Variants in ATRNL1 observed in about 807,000 individuals in gnomAD.
ATRNL1 encodes attractin-like protein 1.
In ATRNL1, 95 loss-of-function variants were observed where a neutral mutation model predicts 182.7. The observed-to-expected ratio is 0.52, with a 90% CI of 0.44 to 0.62. The LOEUF is 0.62. Among genes scored for constraint, ATRNL1 ranks in the 20% least tolerant of loss-of-function variants. The pLI, the probability that ATRNL1 is intolerant of heterozygous loss-of-function variation, is 0.00. For missense variants in ATRNL1, 1,471 were observed against 1,679.5 expected (o/e 0.88, Z 2.17); for synonymous variants, 576 against 568.3 (o/e 1.01, Z -0.19).
At position 115,161,547 on chromosome 10, in the gene ATRNL1, A is replaced by C. The variant is rs1466396241; in HGVS notation, c.1004+1333A>C. The stretch of plus-strand genomic sequence containing the variant: ...AGTCGAGTTTGTAAGACAAAGAGCA[A>C]CATTGTCAACAAGGAAGTTTGTAAA... On this transcript the variant is annotated intron_variant, in intron 6 of 28. Transcript: ENST00000355044. Among the ~76,000 whole-genome samples, 3 of 152,192 alleles carry C rather than the reference A, an allele frequency of 2.0e-5. No homozygotes were observed. The South Asian group carries it at 6.2e-4, about 32-fold the overall frequency.
chr10:115,776,172 G>A (rs770551060), intron 27 of ATRNL1, among the ~76,000 whole-genome samples: 16 of 152,092 alleles, frequency 1.1e-4, no homozygotes, highest in Non-Finnish European at 2.1e-4. Context: ...TCAGGAATAA[G>A]TGGTATATTA....
intron 27 of ATRNL1, among the ~76,000 whole-genome samples, chr10:115,743,051 G>A (rs142088831): frequency 6.6e-5 from 10 of 151,884 alleles, no homozygotes. Context: ...CCCTTATAAA[G>A]CCATCACATC....
chr10:115,566,587 A>C (rs1200260057), intron 26 of ATRNL1, among the ~76,000 whole-genome samples: 1 of 152,148 alleles, frequency 6.6e-6, no homozygotes, highest in Non-Finnish European at 1.5e-5. Context: ...TATTACGGAG[A>C]CTATTATGAA....
chr10:115,485,186 T>G (rs1189533339), intron 24 of ATRNL1, among the ~76,000 whole-genome samples: 1 of 152,026 alleles, frequency 6.6e-6, no homozygotes, highest in Non-Finnish European at 1.5e-5. Context: ...TTTTTATTGT[T>G]TTATAAAAAT....
At chr10:115,513,156 G>A (rs531933216) in intron 24 of ATRNL1, among the ~76,000 whole-genome samples, 2 of 152,036 alleles carry the variant, frequency 1.3e-5, no homozygotes, top group African/African-American at 4.8e-5. Context: ...GGGCACCCCT[G>A]CAGTTTCCAG....
At chr10:115,502,755 A>G (rs1849908296) in intron 24 of ATRNL1, among the ~76,000 whole-genome samples, 1 of 152,152 alleles carries the variant, frequency 6.6e-6, no homozygotes, top group Non-Finnish European at 1.5e-5. Context: ...TTTATCTTTA[A>G]AAATGGCCCT....
intron 24 of ATRNL1, among the ~76,000 whole-genome samples, chr10:115,482,291 T>C (rs914948332): frequency 1.3e-5 from 2 of 151,198 alleles, no homozygotes. Flanking sequence ...GTGGGTTCTA[T>C]GTGTAAATCT....
intron 7 of ATRNL1, among the ~76,000 whole-genome samples, chr10:115,168,285 A>ACATTG (rs1195204236): frequency 3.3e-5 from 5 of 152,120 alleles, no homozygotes; most frequent in Non-Finnish European, 5.9e-5. Context: ...GCTACTAACA[A>ACATTG]CATTGCTGTT....
chr10:115,770,320 A>C (rs1948958409), intron 27 of ATRNL1, among the ~76,000 whole-genome samples: 1 of 152,162 alleles, frequency 6.6e-6, no homozygotes, highest in African/African-American at 2.4e-5. Flanking sequence ...ATGGCATACT[A>C]AGCAATGAAA....
chr10:115,622,863 C>A (rs1397829368), intron 26 of ATRNL1, among the ~76,000 whole-genome samples: 1 of 151,808 alleles, frequency 6.6e-6, no homozygotes, highest in Non-Finnish European at 1.5e-5. Flanking sequence ...GGAGGCGGAG[C>A]TTGCAGTGAG....
intron 3 of ATRNL1, among the ~76,000 whole-genome samples, chr10:115,122,100 A>G (rs1844763624): frequency 6.6e-6 from 1 of 151,952 alleles, no homozygotes; most frequent in Non-Finnish European, 1.5e-5. Context: ...ATATGTTTTC[A>G]GAACTATCTG....
chr10:115,948,342 A>G lies in ATRNL1; in HGVS notation c.*3563A>G, dbSNP rs1422980737. The G allele has an allele frequency of 1.3e-5, 2 of 152,226 alleles. No homozygotes were observed. The highest frequency in any genetic ancestry group is 4.8e-5 in the African/African-American group (2 of 41,468). 9.4% of individuals were successfully genotyped at this position (152,226 alleles called of 1,614,324 possible). A position where few individuals can be genotyped will look rare whatever the true frequency, so the allele number is the denominator to read the frequency against. On this transcript the variant is annotated 3_prime_UTR_variant, in exon 29 of 29. Transcript: ENST00000355044. ...TTTTCTCAGTGAACATAAAACTATG[A>G]TTTGAAAGGTGTCTTATATTTAAAA...
chr10:115,817,128 T>G (rs932517595), intron 27 of ATRNL1, among the ~76,000 whole-genome samples: 8 of 151,958 alleles, frequency 5.3e-5, no homozygotes, highest in Non-Finnish European at 2.9e-5. Context: ...CTTACACAAA[T>G]TTGGCCCTAG....
At chr10:115,639,868 A>G (rs1555029633) in intron 26 of ATRNL1, among the ~76,000 whole-genome samples, 2 of 152,060 alleles carry the variant, frequency 1.3e-5, no homozygotes. Flanking sequence ...TTTGTTACAT[A>G]GGTATATACA....
intron 27 of ATRNL1, among the ~76,000 whole-genome samples, chr10:115,804,939 A>G (rs967637868): frequency 6.6e-6 from 1 of 152,230 alleles, no homozygotes; most frequent in Non-Finnish European, 1.5e-5. Flanking sequence ...GGTTAGTCTA[A>G]CAACATTTTC....
At chr10:115,250,618 A>G (rs536201854) in intron 10 of ATRNL1, among the ~76,000 whole-genome samples, 3 of 152,210 alleles carry the variant, frequency 2.0e-5, no homozygotes, top group Admixed American at 6.5e-5. Flanking sequence ...CCTTTAGAAC[A>G]CAAAGAGGCC....
intron 1 of ATRNL1, among the ~76,000 whole-genome samples, chr10:115,110,785 A>G (rs1554867748): frequency 6.6e-6 from 1 of 152,222 alleles, no homozygotes; most frequent in East Asian, 1.9e-4. Flanking sequence ...CATGATGGTC[A>G]ATTGAGTTTT....
intron 9 of ATRNL1, among the ~76,000 whole-genome samples, chr10:115,227,466 G>A (rs1849747357): frequency 6.6e-6 from 1 of 152,136 alleles, no homozygotes. Flanking sequence ...CATTGTTGAT[G>A]GGAATGAATG....
At chr10:115,831,035 C>T (rs1211255075) in intron 27 of ATRNL1, among the ~76,000 whole-genome samples, 1 of 152,156 alleles carries the variant, frequency 6.6e-6, no homozygotes, top group African/African-American at 2.4e-5. Context: ...TCCTGTCCCA[C>T]ATTCTTCATA....
Sources: gnomAD v4.1 joint callset for allele counts (sites outside exome capture counted in the v4.1 genomes callset) on GRCh38, gnomAD v4.1.1 for gene constraint, MANE v1.5 for transcripts, NCBI Gene and HGNC (gene_info 2026-07-23, HGNC 2026-07-21) for gene names.